Variants in CTNNA3 observed in about 807,000 individuals in gnomAD.
CTNNA3 encodes the protein catenin alpha-3.
Under a neutral mutation model 95.7 loss-of-function variants are expected in CTNNA3, and 76 were observed. The ratio of observed to expected loss-of-function variants is 0.79; its 90% CI spans 0.66 to 0.96. The LOEUF is 0.96. CTNNA3 is among the 40% of genes least tolerant of loss of function. The pLI, the probability that CTNNA3 is intolerant of heterozygous loss-of-function variation, is 0.00. For synonymous variants in CTNNA3, 431 were observed against 374.4 expected, an observed-to-expected ratio of 1.15 and a Z score of -1.74; for missense variants, 1,191 against 1,089.8, an observed-to-expected ratio of 1.09 and a Z score of -1.31.
chr10:66,105,613 G>C (rs2081862631), intron 13 of CTNNA3, among the ~76,000 whole-genome samples: 1 of 152,198 alleles, frequency 6.6e-6, no homozygotes, highest in Non-Finnish European at 1.5e-5. Context: ...TGCCATTTTT[G>C]TTGGGGATGC....
chr10:67,632,998 C>T (rs923211378), intron 2 of CTNNA3, among the ~76,000 whole-genome samples: 1 of 152,174 alleles, frequency 6.6e-6, no homozygotes, highest in Non-Finnish European at 1.5e-5. Context: ...GCGGGAGGGG[C>T]GGCCACCATC....
intron 9 of CTNNA3, among the ~76,000 whole-genome samples, chr10:66,698,595 T>C (rs1314065488): frequency 6.6e-6 from 1 of 152,176 alleles, no homozygotes; most frequent in African/African-American, 2.4e-5. Context: ...CAAGATAATA[T>C]TGAAGTAATA....
intron 5 of CTNNA3, among the ~76,000 whole-genome samples, chr10:67,398,612 C>T (rs1228990056): frequency 6.6e-6 from 1 of 152,092 alleles, no homozygotes; most frequent in Non-Finnish European, 1.5e-5. Context: ...TGTGATGACA[C>T]AAGATTTGGG....
At chr10:67,134,862 A>G (rs1434862413) in intron 7 of CTNNA3, among the ~76,000 whole-genome samples, 1 of 152,138 alleles carries the variant, frequency 6.6e-6, no homozygotes, top group African/African-American at 2.4e-5. Flanking sequence ...GGATTTTTAT[A>G]TGACAGAGAG....
chr10:67,477,879 C>T (rs770535504), intron 5 of CTNNA3, among the ~76,000 whole-genome samples: 14 of 152,128 alleles, frequency 9.2e-5, no homozygotes, highest in African/African-American at 1.4e-4. Flanking sequence ...ATTCAAAGCA[C>T]GAACTGCAAA....
At position 67,248,148 on chromosome 10, in the gene CTNNA3, C is replaced by T. The variant is rs138925319; in HGVS notation, c.580-28278G>A. Among the ~76,000 whole-genome samples the T allele has an allele frequency of 6.1e-3, 935 of 152,108 alleles. 12 individuals are homozygous for T. The highest frequency in any genetic ancestry group is 0.021 in the African/African-American group (889 of 41,522). ...ACCAGCCTGGGCAACATGGCAAAAC[C>T]GTATCTTAATTAAAAATACAAAGAT... On this transcript the variant is annotated intron_variant, in intron 5 of 17. Coordinates refer to ENST00000433211, the MANE Select transcript of CTNNA3 (RefSeq NM_013266.4).
At chr10:67,025,211 A>G (rs1853292807) in intron 7 of CTNNA3, among the ~76,000 whole-genome samples, 6 of 151,784 alleles carry the variant, frequency 4.0e-5, no homozygotes, top group Admixed American at 3.9e-4. Flanking sequence ...ATTTTTCAGT[A>G]TCACCCACCA....
intron 7 of CTNNA3, among the ~76,000 whole-genome samples, chr10:67,171,680 A>C (rs951660705): frequency 2.6e-5 from 4 of 152,154 alleles, no homozygotes; most frequent in African/African-American, 9.7e-5. Flanking sequence ...TGAGCCTGGA[A>C]GGTCAAAGCT....
intron 1 of CTNNA3, among the ~76,000 whole-genome samples, chr10:67,731,018 A>T (rs1317441759): frequency 2.0e-5 from 3 of 152,194 alleles, no homozygotes; most frequent in African/African-American, 7.2e-5. Context: ...AACAATGTAT[A>T]AAAAAGCTGA....
intron 7 of CTNNA3, among the ~76,000 whole-genome samples, chr10:67,005,428 T>A (rs951189953): frequency 8.5e-5 from 13 of 152,120 alleles, no homozygotes; most frequent in African/African-American, 3.1e-4. Context: ...TATTTCCTAA[T>A]TCAAAATTAT....
chr10:66,910,169 A>G (rs1564759735), intron 7 of CTNNA3, among the ~76,000 whole-genome samples: 1 of 152,212 alleles, frequency 6.6e-6, no homozygotes. Context: ...GAGTAGCATA[A>G]ACAGTGATTT....
intron 11 of CTNNA3, among the ~76,000 whole-genome samples, chr10:66,387,712 T>C (rs1419443656): frequency 1.3e-5 from 2 of 152,166 alleles, no homozygotes; most frequent in Non-Finnish European, 2.9e-5. Flanking sequence ...CCAGCAATGA[T>C]AGACTGGATT....
intron 7 of CTNNA3, among the ~76,000 whole-genome samples, chr10:66,883,994 G>T (rs964520094): frequency 2.4e-4 from 36 of 152,076 alleles, no homozygotes; most frequent in African/African-American, 8.7e-4. Flanking sequence ...TCTGGTGAAG[G>T]CCTCAGGTTG....
intron 11 of CTNNA3, among the ~76,000 whole-genome samples, chr10:66,415,459 C>T (rs920515220): frequency 6.6e-6 from 1 of 152,120 alleles, no homozygotes; most frequent in African/African-American, 2.4e-5. Context: ...ACTCGCATTG[C>T]CTACGCCATA....
intron 13 of CTNNA3, among the ~76,000 whole-genome samples, chr10:66,209,457 G>A (rs1162740340): frequency 1.3e-5 from 2 of 152,164 alleles, no homozygotes; most frequent in Non-Finnish European, 2.9e-5. Flanking sequence ...TTGGAAAAGA[G>A]TTGAAGGTGA....
At chr10:66,108,131 A>G (rs1030314711) in intron 13 of CTNNA3, among the ~76,000 whole-genome samples, 5 of 152,132 alleles carry the variant, frequency 3.3e-5, no homozygotes, top group Admixed American at 6.5e-5. Context: ...TGATTTTGCA[A>G]TGTCAAAATG....
chr10:65,994,839 A>C (rs1199020481), intron 15 of CTNNA3, among the ~76,000 whole-genome samples: 3 of 152,086 alleles, frequency 2.0e-5, no homozygotes, highest in African/African-American at 7.2e-5. Context: ...GGATTTGTAC[A>C]ATCTTTTTTT....
chr10:67,557,993 C>T (rs953154921), intron 3 of CTNNA3, among the ~76,000 whole-genome samples: 1 of 152,018 alleles, frequency 6.6e-6, no homozygotes, highest in Non-Finnish European at 1.5e-5. Context: ...CCTCATCCTT[C>T]CAAGTTTCAC....
At chr10:67,554,702 G>T (rs1009888182) in intron 3 of CTNNA3, among the ~76,000 whole-genome samples, 3 of 152,050 alleles carry the variant, frequency 2.0e-5, no homozygotes. Context: ...CATTCTATAC[G>T]TTGCCTGTTC....
Sources: allele counts gnomAD v4.1 joint callset (sites outside exome capture counted in the v4.1 genomes callset), GRCh38; gene constraint gnomAD v4.1.1; transcripts MANE v1.5; gene names NCBI Gene and HGNC (gene_info 2026-07-23, HGNC 2026-07-21).